The following VIPAS39 variants were observed in gnomAD, a reference collection of about 807,000 sequenced individuals.
VIPAS39 encodes the protein spermatogenesis-defective protein 39 homolog.
VIPAS39 carries 63 observed loss-of-function variants against 84.7 expected under a neutral mutation model. The observed-to-expected ratio is 0.74, with a 90% CI of 0.61 to 0.92. VIPAS39 has a LOEUF of 0.92. Among genes scored for constraint, VIPAS39 ranks in the 40% least tolerant of loss-of-function variants. The probability of loss-of-function intolerance (pLI) is 0.00; values close to 1 mark genes in which losing one functional copy is unlikely to be tolerated. For synonymous variants in VIPAS39, 192 were observed against 216.5 expected, an observed-to-expected ratio of 0.89 and a Z score of 0.99; for missense variants, 499 against 604.5, an observed-to-expected ratio of 0.83 and a Z score of 1.83.
intron 4 of VIPAS39, among the ~76,000 whole-genome samples, chr14:77,450,328 TC>T (rs1360132308): frequency 1.8e-4 from 27 of 152,338 alleles, no homozygotes; most frequent in African/African-American, 6.3e-4. Context: ...TGAGTAACAT[TC>T]CGCTGCATGT....
chr14:77,443,963 C>G (rs1157256573), intron 8 of VIPAS39, among the ~76,000 whole-genome samples: 1 of 150,546 alleles, frequency 6.6e-6, no homozygotes, highest in Non-Finnish European at 1.5e-5. Context: ...ATCACTTAAG[C>G]TCAGGAGGTC....
chr14:77,440,785 C>G (rs2078690080), intron 11 of VIPAS39, among the ~76,000 whole-genome samples: 1 of 152,180 alleles, frequency 6.6e-6, no homozygotes, highest in Non-Finnish European at 1.5e-5. Context: ...ATGGCACGAT[C>G]TCAGATCACT....
chr14:77,448,166 G>A (rs1379013725), intron 7 of VIPAS39, among the ~76,000 whole-genome samples: 1 of 151,312 alleles, frequency 6.6e-6, no homozygotes, highest in African/African-American at 2.4e-5. Flanking sequence ...ATGTTGGCCA[G>A]GATGGTCTTG....
At chr14:77,449,175 C>T in intron 6 of VIPAS39, 118 bp downstream of exon 6, 2 of 1,187,608 alleles carry the variant, frequency 1.7e-6, no homozygotes, top group Non-Finnish European at 2.5e-6. Flanking sequence ...GTTTTCTAAT[C>T]TATAAAACAG....
At chr14:77,437,104 T>C (rs1321309177) in intron 12 of VIPAS39, among the ~76,000 whole-genome samples, 1 of 152,186 alleles carries the variant, frequency 6.6e-6, no homozygotes, top group African/African-American at 2.4e-5. Context: ...TTTCTAAACA[T>C]GAAGCCGGGA....
At chr14:77,454,368 G>A (rs1432470537) in intron 1 of VIPAS39, among the ~76,000 whole-genome samples, 2 of 152,140 alleles carry the variant, frequency 1.3e-5, no homozygotes, top group African/African-American at 4.8e-5. Flanking sequence ...CTCAGGTGTT[G>A]TAAGGTATAT....
chr14:77,451,058 C>T lies in VIPAS39; in HGVS notation c.343+129G>A, dbSNP rs1382156739. The T allele has an allele frequency of 1.1e-5, 15 of 1,378,160 alleles. No homozygotes were observed. The South Asian group carries it at 1.5e-4, about 14-fold the overall frequency. 85.4% of individuals were successfully genotyped at this position (1,378,160 alleles called of 1,614,324 possible). A position where few individuals can be genotyped will look rare whatever the true frequency, so the allele number is the denominator to read the frequency against. ...CATTTATCTCGCTCCTAACACCCAG[C>T]TGCCACCTCCAATGAGAATGCTTTA... On this transcript the variant is annotated intron_variant, in intron 4 of 19. Transcript: ENST00000557658.
At position 77,448,569 on chromosome 14, in the gene VIPAS39, G is replaced by A. The variant is rs199647207; in HGVS notation, c.448-19C>T. ...TGTAATCCTGGAATATTAGCAATAC[G>A]TGAATCCCAGGAAGTTAAGGAATCA... On this transcript the variant is annotated intron_variant, in intron 6 of 19. Coordinates refer to ENST00000557658, the MANE Select transcript of VIPAS39 (RefSeq NM_001193315.2). 75 of 1,613,564 alleles carry A rather than the reference G, an allele frequency of 4.6e-5. No individual in the cohort carries two copies. The African/African-American group carries it at 6.8e-4, about 15-fold the overall frequency.
chr14:77,437,656 G>T, intron 12 of VIPAS39, 152 bp downstream of exon 12: 1 of 775,166 alleles, frequency 1.3e-6, no homozygotes, highest in Non-Finnish European at 2.2e-6. Flanking sequence ...ACTAGTGTGT[G>T]AACACCACTG....
chr14:77,441,366 G>C (rs1195215858), intron 10 of VIPAS39, among the ~76,000 whole-genome samples: 1 of 119,152 alleles, frequency 8.4e-6, no homozygotes, highest in African/African-American at 2.6e-5. Context: ...AGAAAACTTG[G>C]TTGTTGTTTT....
At chr14:77,444,024 G>C (rs2078745891) in intron 8 of VIPAS39, among the ~76,000 whole-genome samples, 1 of 143,694 alleles carries the variant, frequency 7.0e-6, no homozygotes, top group Admixed American at 7.0e-5. Context: ...CTGGGCAACA[G>C]AGCAAGACCC....
At chr14:77,444,379 A>G in intron 7 of VIPAS39, 38 bp from the exon 8 acceptor site, 1 of 1,557,934 alleles carries the variant, frequency 6.4e-7, no homozygotes, top group South Asian at 1.1e-5. Flanking sequence ...ACAAGAAGAC[A>G]GTTTTCTTTA....
Position 77,435,359 on chromosome 14 carries a change from G to A in VIPAS39, c.947C>T (p.Thr316Ile). Residue 316 changes from threonine (T) to isoleucine (I), a missense_variant, in exon 14 of 20, where the codon ACT becomes ATT. Transcript: ENST00000557658. ...NDRHLESAGQTEIFRKHPRKA... is the reference protein window; with the variant it reads ...NDRHLESAGQIEIFRKHPRKA... ...GCGGGGGTGCTTTCGGAAGATCTCA[G>A]TCTGTCCTGCTGATTCTAGATGGCG... 1 of 1,607,644 alleles carries A rather than the reference G, an allele frequency of 6.2e-7. No homozygotes were observed. The highest frequency in any genetic ancestry group is 1.1e-5 in the South Asian group (1 of 90,884).
chr14:77,428,893 T>A, intron 18 of VIPAS39, 113 bp downstream of exon 18: 1 of 947,784 alleles, frequency 1.1e-6, no homozygotes, highest in Non-Finnish European at 1.7e-6. Flanking sequence ...ATTCTGTCCA[T>A]TCAGTCAAAC....
At chr14:77,431,625 A>AAG (rs1256301068) in intron 16 of VIPAS39, among the ~76,000 whole-genome samples, 6 of 152,156 alleles carry the variant, frequency 3.9e-5, no homozygotes, top group Non-Finnish European at 8.8e-5. Context: ...AGCTACGGTC[A>AAG]TGCCACTGCA....
At chr14:77,436,679 G>A (rs1396152896) in intron 12 of VIPAS39, among the ~76,000 whole-genome samples, 2 of 152,090 alleles carry the variant, frequency 1.3e-5, no homozygotes, top group Admixed American at 6.5e-5. Context: ...TCCTAACCTC[G>A]TGATCCACCT....
At chr14:77,432,288 G>C (rs1213460861) in intron 16 of VIPAS39, among the ~76,000 whole-genome samples, 1 of 152,050 alleles carries the variant, frequency 6.6e-6, no homozygotes, top group Non-Finnish European at 1.5e-5. Context: ...CAAGGGTATA[G>C]AGAAAAGGGA....
At chr14:77,435,232 G>A in intron 14 of VIPAS39, 27 bp downstream of exon 14, 5 of 1,614,010 alleles carry the variant, frequency 3.1e-6, no homozygotes, top group Non-Finnish European at 4.2e-6. Context: ...ATGAGAGTTT[G>A]TGGAATCTTC....
chr14:77,432,952 A>C (rs948681077), intron 16 of VIPAS39, among the ~76,000 whole-genome samples: 2 of 152,160 alleles, frequency 1.3e-5, no homozygotes, highest in African/African-American at 4.8e-5. Flanking sequence ...CTGTATAATC[A>C]TTTCACTATG....
Sources: allele counts gnomAD v4.1 joint callset (sites outside exome capture counted in the v4.1 genomes callset), GRCh38; gene constraint gnomAD v4.1.1; transcripts MANE v1.5; gene names NCBI Gene and HGNC (gene_info 2026-07-23, HGNC 2026-07-21).